The following PTPRQ variants were observed in gnomAD, a reference collection of about 807,000 sequenced individuals.
PTPRQ encodes the protein protein tyrosine phosphatase receptor type Q, also known as phosphatidylinositol phosphatase PTPRQ.
PTPRQ carries 199 observed loss-of-function variants against 246.0 expected under a neutral mutation model. That is an observed-to-expected ratio of 0.81 (90% CI 0.72 to 0.91). The LOEUF is 0.91. PTPRQ is among the 40% of genes least tolerant of loss of function. The pLI is 0.00. For synonymous variants in PTPRQ, 869 were observed against 853.2 expected (o/e 1.02, Z -0.32); for missense variants, 2,624 against 2,528.4 (o/e 1.04, Z -0.81).
intron 26 of PTPRQ, among the ~76,000 whole-genome samples, chr12:80,589,823 C>T (rs150855856): frequency 8.5e-5 from 13 of 152,280 alleles, no homozygotes; most frequent in Non-Finnish European, 1.5e-4. Context: ...GTAGCTCCGT[C>T]TCCGTCCTCT....
At chr12:80,652,978 A>G in intron 38 of PTPRQ, 144 bp downstream of exon 38, 1 of 1,023,078 alleles carries the variant, frequency 9.8e-7, no homozygotes, top group Middle Eastern at 3.5e-4. Context: ...ACCAAATTAT[A>G]TATCTTTTGC....
At chr12:80,510,201 GA>G in intron 16 of PTPRQ, 121 bp from the exon 17 acceptor site, 1 of 1,023,856 alleles carries the variant, frequency 9.8e-7, no homozygotes. Context: ...TGCTTCTGGA[GA>G]AAAGCACTGA....
intron 9 of PTPRQ, among the ~76,000 whole-genome samples, chr12:80,491,891 C>T (rs1894460713): frequency 6.6e-6 from 1 of 151,356 alleles, no homozygotes; most frequent in Non-Finnish European, 1.5e-5. Flanking sequence ...GACAGATATA[C>T]CAAAACTTAT....
intron 23 of PTPRQ, among the ~76,000 whole-genome samples, chr12:80,543,990 G>GT: frequency 6.6e-6 from 1 of 152,214 alleles, no homozygotes; most frequent in South Asian, 2.1e-4. Context: ...TTTTCTCAGA[G>GT]TAATCGCATT....
chr12:80,493,585 G>C, intron 10 of PTPRQ, 130 bp downstream of exon 10: 1 of 1,315,694 alleles, frequency 7.6e-7, no homozygotes, highest in Non-Finnish European at 9.9e-7. Flanking sequence ...TTTTTTTTTA[G>C]CTGTCGGAAA....
chr12:80,662,421 G>A lies in PTPRQ; in HGVS notation c.6192+4360G>A, dbSNP rs76623894. ...AAAAAGGAGGATTATATTTAGATGG[G>A]TAAATACATATGCTTCAGAGTTCAA... On this transcript the variant is annotated intron_variant, in intron 39 of 44. Coordinates refer to ENST00000644991, the MANE Select transcript of PTPRQ (RefSeq NM_001145026.2). Among the ~76,000 whole-genome samples the A allele has an allele frequency of 1.8e-3, 267 of 151,982 alleles. 3 individuals carry two copies. In the East Asian group the frequency reaches 0.038, roughly 22 times the overall value.
rs944450592 is a variant in PTPRQ at position 80,470,964 on chromosome 12, G to A, written c.1040-1141G>A. 9.9e-5 allele frequency among the ~76,000 whole-genome samples: 15 copies of A among 152,198 alleles called. 1 individual carries two copies. The highest frequency in any genetic ancestry group is 7.2e-4 in the Admixed American group (11 of 15,278). On this transcript the variant is annotated intron_variant, in intron 7 of 44. Coordinates refer to ENST00000644991, the MANE Select transcript of PTPRQ (RefSeq NM_001145026.2). ...AATTCTGAAAAACTAGATTATTTAAGGAAATATCTAAGTAATTTAAGGATT... is the reference window on the plus strand; with the variant it reads ...AATTCTGAAAAACTAGATTATTTAAAGAAATATCTAAGTAATTTAAGGATT...
chr12:80,484,530 C>T lies in PTPRQ; in HGVS notation c.1284C>T (p.Asn428=). Reference sequence around the variant, plus strand: ...CACGACAACCAAATGGAATTATTAACCAATACCGAGTGAAAGTGCTAGTTC... The same window carrying T: ...CACGACAACCAAATGGAATTATTAATCAATACCGAGTGAAAGTGCTAGTTC... ...KKPRQPNGII[N]QYRVKVLVPE... Residue 428 remains asparagine (N), a synonymous_variant, in exon 9 of 45, where the codon AAC becomes AAT. Transcript: ENST00000644991. 6.4e-7 allele frequency: 1 copy of T among 1,551,202 alleles called. No homozygotes were observed. The highest frequency in any genetic ancestry group is 8.7e-7 in the Non-Finnish European group (1 of 1,146,812).
chr12:80,619,309 G>T, intron 30 of PTPRQ, 75 bp from the exon 31 acceptor site: 1 of 1,472,372 alleles, frequency 6.8e-7, no homozygotes, highest in South Asian at 1.3e-5. Context: ...TTAACTGCAT[G>T]AAAGGAGAAA....
At chr12:80,540,144 T>G (rs888704986) in intron 20 of PTPRQ, among the ~76,000 whole-genome samples, 200 bp downstream of exon 20, 2 of 152,072 alleles carry the variant, frequency 1.3e-5, no homozygotes, top group Non-Finnish European at 2.9e-5. Context: ...CTAACATCCG[T>G]TCATGAAAAT....
intron 43 of PTPRQ, among the ~76,000 whole-genome samples, chr12:80,673,956 T>C (rs1901055748): frequency 6.6e-6 from 1 of 152,160 alleles, no homozygotes; most frequent in Non-Finnish European, 1.5e-5. Context: ...TGTATTATCT[T>C]ATTTAATCTT....
At chr12:80,527,251 T>C (rs1186389851) in intron 17 of PTPRQ, among the ~76,000 whole-genome samples, 1 of 152,106 alleles carries the variant, frequency 6.6e-6, no homozygotes, top group East Asian at 1.9e-4. Flanking sequence ...ATATTTATAC[T>C]ATGTAAACCC....
intron 26 of PTPRQ, among the ~76,000 whole-genome samples, chr12:80,596,421 G>GTT (rs201475354): frequency 3.5e-4 from 53 of 150,848 alleles, no homozygotes; most frequent in African/African-American, 1.2e-3. Flanking sequence ...GATTATCACT[G>GTT]TTTTTTTTTA....
At chr12:80,571,907 G>A (rs1305788813) in intron 25 of PTPRQ, among the ~76,000 whole-genome samples, 2 of 152,030 alleles carry the variant, frequency 1.3e-5, no homozygotes, top group Non-Finnish European at 1.5e-5. Flanking sequence ...AAACCACACT[G>A]TGTTGATAAC....
chr12:80,552,645 T>TGTATATA (rs1486986901), intron 25 of PTPRQ, among the ~76,000 whole-genome samples: 5 of 76,474 alleles, frequency 6.5e-5, no homozygotes, highest in Non-Finnish European at 9.5e-5. Flanking sequence ...AAAAAAAAAA[T>TGTATATA]TATATATATA....
chr12:80,497,140 G>A (rs188352924), intron 14 of PTPRQ, among the ~76,000 whole-genome samples: 14 of 151,990 alleles, frequency 9.2e-5, no homozygotes, highest in Admixed American at 6.6e-4. Flanking sequence ...AGCACGTTAC[G>A]TTTGTTGTGC....
intron 25 of PTPRQ, among the ~76,000 whole-genome samples, chr12:80,575,916 G>T (rs1897268932): frequency 6.6e-6 from 1 of 151,720 alleles, no homozygotes; most frequent in African/African-American, 2.4e-5. Flanking sequence ...TTTTCTGTTG[G>T]TTGCTTTATA....
rs1565823473 is a variant in PTPRQ, at chr12:80,620,504, T to C, written c.5612+128T>C. The C allele has an allele frequency of 2.3e-6, 3 of 1,303,540 alleles. No homozygotes were observed. In the African/African-American group the frequency reaches 4.5e-5, roughly 20 times the overall value. 80.7% of individuals were successfully genotyped at this position (1,303,540 alleles called of 1,614,324 possible). On this transcript the variant is annotated intron_variant, in intron 32 of 44. Transcript: ENST00000644991. ...GTCCGCCACGTATAGTGACCTGATT[T>C]TTCTGGCACTAGGAATAGAAAGATA...
chr12:80,481,069 C>G (rs1217492680), intron 8 of PTPRQ, among the ~76,000 whole-genome samples: 1 of 151,830 alleles, frequency 6.6e-6, no homozygotes, highest in Non-Finnish European at 1.5e-5. Flanking sequence ...GAGACACAAC[C>G]AAAAAAGAGA....
Sources: allele counts gnomAD v4.1 joint callset (sites outside exome capture counted in the v4.1 genomes callset), GRCh38; gene constraint gnomAD v4.1.1; transcripts MANE v1.5; gene names NCBI Gene and HGNC (gene_info 2026-07-23, HGNC 2026-07-21).